Variants in IMMP2L observed in about 807,000 individuals in gnomAD.
IMMP2L encodes the protein inner mitochondrial membrane peptidase subunit 2.
A neutral mutation model predicts 19.3 loss-of-function variants in IMMP2L; 18 were observed. The observed-to-expected ratio is 0.93, with a 90% CI of 0.64 to 1.38. The LOEUF is 1.38. IMMP2L is among the 40% of genes most tolerant of loss of function. IMMP2L has a pLI of 0.00. For synonymous variants in IMMP2L, 76 were observed against 73.0 expected (o/e 1.04, Z -0.21); for missense variants, 233 against 218.2 (o/e 1.07, Z -0.43).
At chr7:110,698,715 T>C (rs1794054781) in intron 5 of IMMP2L, among the ~76,000 whole-genome samples, 1 of 152,240 alleles carries the variant, frequency 6.6e-6, no homozygotes, top group African/African-American at 2.4e-5. Flanking sequence ...TGGATTTCGT[T>C]ACATGCAGTT....
chr7:111,531,092 C>T (rs1847347978), intron 1 of IMMP2L, among the ~76,000 whole-genome samples: 1 of 151,694 alleles, frequency 6.6e-6, no homozygotes, highest in Non-Finnish European at 1.5e-5. Context: ...GCTGGGACTA[C>T]AGGCGCCCAC....
intron 3 of IMMP2L, among the ~76,000 whole-genome samples, chr7:111,292,810 G>C (rs1821251492): frequency 6.6e-6 from 1 of 151,928 alleles, no homozygotes; most frequent in Non-Finnish European, 1.5e-5. Context: ...ATAATGGAAA[G>C]AATATGGCAG....
intron 5 of IMMP2L, among the ~76,000 whole-genome samples, chr7:110,778,108 T>C (rs1313509288): frequency 6.6e-6 from 1 of 151,924 alleles, no homozygotes; most frequent in Non-Finnish European, 1.5e-5. Flanking sequence ...GGCAAAAATA[T>C]AGGAGCTGAA....
At chr7:111,545,609 C>T (rs1049892962) in intron 1 of IMMP2L, among the ~76,000 whole-genome samples, 1 of 152,090 alleles carries the variant, frequency 6.6e-6, no homozygotes, top group Non-Finnish European at 1.5e-5. Flanking sequence ...TAGTCTTGAA[C>T]TCCTGAACTC....
At chr7:110,998,670 CA>C (rs1271030375) in intron 3 of IMMP2L, among the ~76,000 whole-genome samples, 2 of 152,118 alleles carry the variant, frequency 1.3e-5, no homozygotes, top group Non-Finnish European at 2.9e-5. Flanking sequence ...AAGTTGGACT[CA>C]ACTGGGATTG....
chr7:110,713,034 C>G lies in IMMP2L; in HGVS notation c.409-49313G>C, dbSNP rs557276930. Reference sequence around the variant, plus strand: ...CCTATTCGGCCATCTTCGTATGACTCTTGTAGATAACCTACACTTAAATTT... The same window carrying G: ...CCTATTCGGCCATCTTCGTATGACTGTTGTAGATAACCTACACTTAAATTT... On this transcript the variant is annotated intron_variant, in intron 5 of 5. Coordinates refer to ENST00000405709, the MANE Select transcript of IMMP2L (RefSeq NM_032549.4). 8.5e-5 allele frequency among the ~76,000 whole-genome samples: 13 copies of G among 152,292 alleles called. No individual in the cohort carries two copies. In the East Asian group the frequency reaches 2.5e-3, roughly 29 times the overall value.
At chr7:111,094,542 A>T (rs2129578406) in intron 3 of IMMP2L, among the ~76,000 whole-genome samples, 1 of 152,268 alleles carries the variant, frequency 6.6e-6, no homozygotes, top group African/African-American at 2.4e-5. Context: ...GGTACATGAA[A>T]CTAAATAAAG....
At chr7:110,914,949 G>C (rs930353040) in intron 4 of IMMP2L, among the ~76,000 whole-genome samples, 2 of 152,092 alleles carry the variant, frequency 1.3e-5, no homozygotes, top group Non-Finnish European at 2.9e-5. Context: ...AACAAGTGTT[G>C]GTGATGGTGA....
intron 5 of IMMP2L, among the ~76,000 whole-genome samples, chr7:110,878,328 T>A (rs936146722): frequency 1.3e-5 from 2 of 152,158 alleles, no homozygotes; most frequent in African/African-American, 4.8e-5. Context: ...CTCAAACCTA[T>A]GAATAGATTT....
At chr7:111,163,319 T>TCA (rs1402507873) in intron 3 of IMMP2L, among the ~76,000 whole-genome samples, 1 of 152,076 alleles carries the variant, frequency 6.6e-6, no homozygotes, top group Non-Finnish European at 1.5e-5. Context: ...TTAACACCCC[T>TCA]CAGTGCCAGT....
At chr7:110,750,503 T>C (rs1562954869) in intron 5 of IMMP2L, among the ~76,000 whole-genome samples, 2 of 152,262 alleles carry the variant, frequency 1.3e-5, no homozygotes, top group Non-Finnish European at 2.9e-5. Context: ...TATCTTTATA[T>C]ATTTTAAACT....
At chr7:111,482,430 C>A (rs966042500) in intron 3 of IMMP2L, among the ~76,000 whole-genome samples, 2 of 152,124 alleles carry the variant, frequency 1.3e-5, no homozygotes, top group Non-Finnish European at 1.5e-5. Context: ...ACAGTGAAAT[C>A]TGTGATCCAG....
At chr7:110,761,207 T>C (rs1391560301) in intron 5 of IMMP2L, among the ~76,000 whole-genome samples, 1 of 152,072 alleles carries the variant, frequency 6.6e-6, no homozygotes, top group South Asian at 2.1e-4. Flanking sequence ...ATATGAGCAC[T>C]CCACTAGAAA....
Position 110,692,497 on chromosome 7 carries a change from T to TA in IMMP2L, c.409-28777dup, listed in dbSNP as rs71891270. Among the ~76,000 whole-genome samples, 858 of 150,816 alleles carry TA rather than the reference T, an allele frequency of 5.7e-3. 6 individuals are homozygous for TA. The highest frequency in any genetic ancestry group is 0.018 in the African/African-American group (725 of 41,138). On this transcript the variant is annotated intron_variant, in intron 5 of 5. Transcript: ENST00000405709. Reference sequence around the variant, plus strand: ...ACTTGTACCCCTAAAGCTATTGAAATAAAAAAAAAGCTTTGCTTGGTAAAA... The same window carrying TA: ...ACTTGTACCCCTAAAGCTATTGAAATAAAAAAAAAAGCTTTGCTTGGTAAAA...
intron 3 of IMMP2L, among the ~76,000 whole-genome samples, chr7:110,984,702 G>A (rs919742345): frequency 5.3e-5 from 8 of 151,722 alleles, no homozygotes; most frequent in Admixed American, 2.0e-4. Flanking sequence ...CTTCTTAGTC[G>A]GGGCTTAACC....
chr7:111,018,333 C>A (rs1477455902), intron 3 of IMMP2L, among the ~76,000 whole-genome samples: 1 of 152,158 alleles, frequency 6.6e-6, no homozygotes, highest in Non-Finnish European at 1.5e-5. Flanking sequence ...AGTGTTAATA[C>A]TGATTGCAAA....
At chr7:110,919,922 G>A (rs1376907576) in intron 4 of IMMP2L, among the ~76,000 whole-genome samples, 2 of 152,120 alleles carry the variant, frequency 1.3e-5, no homozygotes, top group South Asian at 2.1e-4. Flanking sequence ...AGCTTGGCTA[G>A]AATAAAGCAA....
chr7:111,077,082 T>C (rs1219363947), intron 3 of IMMP2L, among the ~76,000 whole-genome samples: 1 of 152,188 alleles, frequency 6.6e-6, no homozygotes, highest in Non-Finnish European at 1.5e-5. Flanking sequence ...GGTGCAGAAA[T>C]TCACAACCTA....
At chr7:110,891,675 G>T (rs1179550604) in intron 4 of IMMP2L, among the ~76,000 whole-genome samples, 2 of 152,016 alleles carry the variant, frequency 1.3e-5, no homozygotes, top group Non-Finnish European at 2.9e-5. Flanking sequence ...GAGTAAGGAA[G>T]AATATAATAT....
Sources: allele counts gnomAD v4.1 joint callset (sites outside exome capture counted in the v4.1 genomes callset), GRCh38; gene constraint gnomAD v4.1.1; transcripts MANE v1.5; gene names NCBI Gene and HGNC (gene_info 2026-07-23, HGNC 2026-07-21).